Variants in ADGRL3 observed in about 807,000 individuals in gnomAD.
ADGRL3 encodes the protein adhesion G protein-coupled receptor L3, also known as calcium-independent alpha-latrotoxin receptor 3.
A neutral mutation model predicts 153.5 loss-of-function variants in ADGRL3; 62 were observed. The observed-to-expected ratio is 0.40, with a 90% CI of 0.33 to 0.50. The LOEUF (loss-of-function observed/expected upper bound fraction) is 0.50, where lower values mean the gene tolerates loss of function less well. Ranked by LOEUF, ADGRL3 falls within the 20% of genes least tolerant of loss-of-function variation. The probability of loss-of-function intolerance (pLI) is 0.47; values close to 1 mark genes in which losing one functional copy is unlikely to be tolerated. For missense variants in ADGRL3, 1,641 were observed against 1,859.4 expected, an observed-to-expected ratio of 0.88 and a Z score of 2.16; for synonymous variants, 710 against 672.5, an observed-to-expected ratio of 1.06 and a Z score of -0.86.
chr4:61,527,004 A>G (rs1414691380), intron 4 of ADGRL3, among the ~76,000 whole-genome samples: 1 of 152,126 alleles, frequency 6.6e-6, no homozygotes, highest in Non-Finnish European at 1.5e-5. Context: ...ATTTATTGAA[A>G]CTAGCCTTGA....
At chr4:62,068,559 G>A (rs765021223) in intron 26 of ADGRL3, among the ~76,000 whole-genome samples, 1 of 151,986 alleles carries the variant, frequency 6.6e-6, no homozygotes, top group Admixed American at 6.6e-5. Context: ...TTTTCAGCCC[G>A]TACCTAATGC....
chr4:61,476,624 G>T (rs945085413), intron 2 of ADGRL3, among the ~76,000 whole-genome samples: 1 of 140,640 alleles, frequency 7.1e-6, no homozygotes, highest in South Asian at 2.3e-4. Flanking sequence ...CAAGAGAATC[G>T]CTTGAACCTG....
At chr4:62,032,339 C>T (rs1372001244) in intron 23 of ADGRL3, among the ~76,000 whole-genome samples, 1 of 150,226 alleles carries the variant, frequency 6.7e-6, no homozygotes, top group African/African-American at 2.4e-5. Flanking sequence ...TTTTAAAATC[C>T]CCAGATTGAT....
Position 61,865,911 on chromosome 4 carries a change from A to G in ADGRL3, c.1481-26745A>G, listed in dbSNP as rs573134067. ...ATCTCTCACTTAGGCAGATTTTTGAAAGCTGAATGGTAGTATAAGTGATTT... is the reference window on the plus strand; with the variant it reads ...ATCTCTCACTTAGGCAGATTTTTGAGAGCTGAATGGTAGTATAAGTGATTT... On this transcript the variant is annotated intron_variant, in intron 9 of 26. Coordinates refer to ENST00000683033, the MANE Select transcript of ADGRL3 (RefSeq NM_001387552.1). Among the ~76,000 whole-genome samples the G allele has an allele frequency of 1.2e-4, 19 of 152,322 alleles. No homozygotes were observed. In the South Asian group the frequency reaches 3.7e-3, roughly 30 times the overall value.
chr4:61,687,935 T>C (rs1461314822), intron 6 of ADGRL3, among the ~76,000 whole-genome samples: 3 of 152,100 alleles, frequency 2.0e-5, no homozygotes, highest in Admixed American at 6.6e-5. Flanking sequence ...CTTAATTATA[T>C]TGAAAACATT....
chr4:61,446,915 G>A (rs1033377946), intron 2 of ADGRL3, among the ~76,000 whole-genome samples: 4 of 152,150 alleles, frequency 2.6e-5, no homozygotes, highest in African/African-American at 9.7e-5. Context: ...TGCTTGGGCA[G>A]CTTCCTCAGG....
At chr4:61,527,031 T>A (rs1355553390) in intron 4 of ADGRL3, among the ~76,000 whole-genome samples, 1 of 152,070 alleles carries the variant, frequency 6.6e-6, no homozygotes, top group Non-Finnish European at 1.5e-5. Flanking sequence ...AAAAAGTAAG[T>A]TAACATTATT....
intron 21 of ADGRL3, among the ~76,000 whole-genome samples, chr4:62,021,905 C>G (rs1263159905): frequency 6.6e-6 from 1 of 152,098 alleles, no homozygotes; most frequent in Non-Finnish European, 1.5e-5. Flanking sequence ...CCCTGAGACA[C>G]AGCAATATTG....
chr4:61,602,961 A>T (rs931960456), intron 5 of ADGRL3, among the ~76,000 whole-genome samples: 1 of 152,198 alleles, frequency 6.6e-6, no homozygotes, highest in Non-Finnish European at 1.5e-5. Flanking sequence ...GTAGCATATC[A>T]TATCACCTAC....
At chr4:61,698,478 C>A (rs111886062) in intron 6 of ADGRL3, among the ~76,000 whole-genome samples, 5,728 of 151,610 alleles carry the variant, frequency 0.038, 333 homozygotes, top group African/African-American at 0.12. Context: ...ACAACAACAA[C>A]AAAAACAAAT....
intron 4 of ADGRL3, chr4:61,583,690 G>T: frequency 1.9e-6 from 1 of 518,488 alleles, no homozygotes; most frequent in Non-Finnish European, 3.9e-6. Flanking sequence ...TCAGTCCTGT[G>T]GTCAGTGAGT....
intron 6 of ADGRL3, among the ~76,000 whole-genome samples, chr4:61,696,821 G>T (rs148199872): frequency 6.6e-6 from 1 of 151,644 alleles, no homozygotes; most frequent in Non-Finnish European, 1.5e-5. Context: ...GATTATAGGC[G>T]CCTGCCACCA....
chr4:61,869,691 C>T (rs1476831008), intron 9 of ADGRL3, among the ~76,000 whole-genome samples: 1 of 151,698 alleles, frequency 6.6e-6, no homozygotes, highest in African/African-American at 2.4e-5. Context: ...ATAATCCCAA[C>T]ACTTTGGGAG....
chr4:61,577,855 A>G (rs972750957), intron 4 of ADGRL3, among the ~76,000 whole-genome samples: 1 of 151,870 alleles, frequency 6.6e-6, no homozygotes, highest in African/African-American at 2.4e-5. Flanking sequence ...AAATTTGACA[A>G]TGAATGTCAC....
intron 1 of ADGRL3, among the ~76,000 whole-genome samples, chr4:61,259,728 T>A (rs2149561710): frequency 1.3e-5 from 2 of 152,282 alleles, no homozygotes; most frequent in African/African-American, 4.8e-5. Context: ...TCTTTTTTTC[T>A]GTTACCTTTT....
chr4:61,465,442 C>T (rs1489837109), intron 2 of ADGRL3, among the ~76,000 whole-genome samples: 1 of 151,942 alleles, frequency 6.6e-6, no homozygotes, highest in Admixed American at 6.6e-5. Flanking sequence ...ACACAATACA[C>T]AGAATTATGT....
chr4:61,353,600 A>ATTTTTTTTTTT (rs34199193), intron 1 of ADGRL3, among the ~76,000 whole-genome samples: 1 of 118,840 alleles, frequency 8.4e-6, no homozygotes, highest in Non-Finnish European at 1.6e-5. Flanking sequence ...TTTTCTTTCA[A>ATTTTTTTTTTT]TTTTTTTTTT....
At chr4:61,522,861 A>G (rs1388473378) in intron 4 of ADGRL3, among the ~76,000 whole-genome samples, 3 of 152,128 alleles carry the variant, frequency 2.0e-5, no homozygotes, top group Non-Finnish European at 2.9e-5. Flanking sequence ...ATGCTTGCCA[A>G]TATACCTTTG....
intron 6 of ADGRL3, among the ~76,000 whole-genome samples, chr4:61,727,855 A>G (rs998145886): frequency 1.3e-5 from 2 of 152,112 alleles, no homozygotes; most frequent in African/African-American, 4.8e-5. Context: ...CACATGCTTA[A>G]AATATCAAGA....
Sources: allele counts gnomAD v4.1 joint callset (sites outside exome capture counted in the v4.1 genomes callset), GRCh38; gene constraint gnomAD v4.1.1; transcripts MANE v1.5; gene names NCBI Gene and HGNC (gene_info 2026-07-23, HGNC 2026-07-21).